The following PDZD2 variants were observed in gnomAD, a reference collection of about 807,000 sequenced individuals.
The protein encoded by PDZD2 is PDZ domain containing 2, also known as PDZ domain-containing protein 2.
A neutral mutation model predicts 220.7 loss-of-function variants in PDZD2; 90 were observed. The observed-to-expected ratio is 0.41, with a 90% CI of 0.34 to 0.49. The LOEUF is 0.49. Ranked by LOEUF, PDZD2 falls within the 20% of genes least tolerant of loss-of-function variation. The pLI, the probability that PDZD2 is intolerant of heterozygous loss-of-function variation, is 0.28. For synonymous variants in PDZD2, 1,375 were observed against 1,450.5 expected, an observed-to-expected ratio of 0.95 and a Z score of 1.18; for missense variants, 3,174 against 3,608.5, an observed-to-expected ratio of 0.88 and a Z score of 3.08.
At chr5:32,035,273 T>C (rs200259045) in intron 6 of PDZD2, among the ~76,000 whole-genome samples, 60 of 116,556 alleles carry the variant, frequency 5.1e-4, no homozygotes, top group Admixed American at 1.3e-3. Flanking sequence ...TTTTTTTTTC[T>C]TTTTTGAGAT....
chr5:31,972,917 A>C (rs1168690949), intron 2 of PDZD2, among the ~76,000 whole-genome samples: 1 of 152,232 alleles, frequency 6.6e-6, no homozygotes, highest in Non-Finnish European at 1.5e-5. Flanking sequence ...TTAGAGAATT[A>C]TAAGGAACCT....
chr5:31,725,291 T>C (rs964148647), intron 1 of PDZD2, among the ~76,000 whole-genome samples: 4 of 138,606 alleles, frequency 2.9e-5, no homozygotes, highest in Admixed American at 8.0e-5. Context: ...TGAGCCAAGA[T>C]CATGCCATTG....
chr5:31,843,203 A>G (rs1415309454), intron 2 of PDZD2: 1 of 151,662 alleles, frequency 6.6e-6, no homozygotes, highest in Non-Finnish European at 1.5e-5. Context: ...TTTTAATGAC[A>G]TTCTTCATGA....
At chr5:31,761,168 C>G (rs1390123882) in intron 1 of PDZD2, among the ~76,000 whole-genome samples, 1 of 151,934 alleles carries the variant, frequency 6.6e-6, no homozygotes, top group Non-Finnish European at 1.5e-5. Flanking sequence ...AATTCAAATG[C>G]GATGTTGTAG....
intron 2 of PDZD2, among the ~76,000 whole-genome samples, chr5:31,825,954 CTT>C (rs1756186191): frequency 6.7e-6 from 1 of 150,154 alleles, no homozygotes; most frequent in Non-Finnish European, 1.5e-5. Flanking sequence ...TTTTTTTCCT[CTT>C]TTAATGAACA....
chr5:31,683,564 A>G (rs1746734704), intron 1 of PDZD2, among the ~76,000 whole-genome samples: 1 of 152,252 alleles, frequency 6.6e-6, no homozygotes, highest in Admixed American at 6.5e-5. Context: ...TAGAAGGATA[A>G]TAAAGCACAA....
chr5:32,105,783 G>GGA (rs953591635), intron 24 of PDZD2, among the ~76,000 whole-genome samples: 1 of 152,184 alleles, frequency 6.6e-6, no homozygotes, highest in Non-Finnish European at 1.5e-5. Flanking sequence ...ATGAGTAAAT[G>GGA]GAGAGAGAGA....
intron 2 of PDZD2, among the ~76,000 whole-genome samples, chr5:31,933,476 A>G (rs1360441513): frequency 6.6e-6 from 1 of 151,842 alleles, no homozygotes; most frequent in Non-Finnish European, 1.5e-5. Context: ...TTGCTGTATG[A>G]TCGACTCCTG....
At chr5:32,074,723 G>A in intron 18 of PDZD2, 80 bp downstream of exon 18, 3 of 899,896 alleles carry the variant, frequency 3.3e-6, no homozygotes, top group Non-Finnish European at 1.7e-6. Flanking sequence ...TGTAAAGCAT[G>A]GGTAAGCTGC....
intron 7 of PDZD2, among the ~76,000 whole-genome samples, chr5:32,045,951 G>A (rs1399344072): frequency 6.6e-6 from 1 of 151,982 alleles, no homozygotes; most frequent in African/African-American, 2.4e-5. Flanking sequence ...AAAACTTTCA[G>A]AGTAATATTT....
intron 2 of PDZD2, among the ~76,000 whole-genome samples, chr5:31,886,689 C>A (rs1257805483): frequency 8.0e-6 from 1 of 125,584 alleles, no homozygotes; most frequent in Non-Finnish European, 1.6e-5. Flanking sequence ...AGATTCTGCA[C>A]TTGTCTCTGT....
chr5:32,093,100 C>T, intron 21 of PDZD2, 76 bp downstream of exon 21: 1 of 797,030 alleles, frequency 1.3e-6, no homozygotes. Flanking sequence ...CCTGCCCAGA[C>T]AGCCGAGGAG....
At chr5:31,716,279 T>C (rs539679044) in intron 1 of PDZD2, among the ~76,000 whole-genome samples, 2 of 152,280 alleles carry the variant, frequency 1.3e-5, no homozygotes, top group East Asian at 3.9e-4. Flanking sequence ...CCGGGATCTG[T>C]TTTAATCAGG....
intron 2 of PDZD2, among the ~76,000 whole-genome samples, chr5:31,966,036 C>A (rs1748715268): frequency 6.6e-6 from 1 of 152,218 alleles, no homozygotes; most frequent in Non-Finnish European, 1.5e-5. Flanking sequence ...TAGGATGGGA[C>A]TTTGGCATAG....
intron 6 of PDZD2, among the ~76,000 whole-genome samples, chr5:32,034,319 C>T (rs1250911800): frequency 6.6e-6 from 1 of 151,790 alleles, no homozygotes; most frequent in Non-Finnish European, 1.5e-5. Context: ...AGGTCGATAG[C>T]CTGGGTCAGG....
At chr5:31,717,127 G>C (rs1707426024) in intron 1 of PDZD2, among the ~76,000 whole-genome samples, 1 of 152,146 alleles carries the variant, frequency 6.6e-6, no homozygotes, top group African/African-American at 2.4e-5. Flanking sequence ...TTAAAAAAAA[G>C]AGTCAATAGA....
chr5:31,721,481 TTAGAAATGCAAA>T (rs139769720), intron 1 of PDZD2, among the ~76,000 whole-genome samples: 30,523 of 151,234 alleles, frequency 0.2, 3,266 homozygotes, highest in African/African-American at 0.27. Flanking sequence ...GAGGGGCTTT[TTAGAAATGCAAA>T]GCCTGACACC....
At chr5:31,728,201 A>G (rs1368216513) in intron 1 of PDZD2, among the ~76,000 whole-genome samples, 1 of 151,752 alleles carries the variant, frequency 6.6e-6, no homozygotes, top group African/African-American at 2.4e-5. Context: ...TCTATGCACT[A>G]GATGCCAATA....
intron 5 of PDZD2, among the ~76,000 whole-genome samples, chr5:32,008,975 A>G (rs771847010): frequency 6.6e-6 from 1 of 152,094 alleles, no homozygotes; most frequent in Non-Finnish European, 1.5e-5. Flanking sequence ...GGAAGGCAGT[A>G]TGGCATCAGA....
Sources: allele counts gnomAD v4.1 joint callset (sites outside exome capture counted in the v4.1 genomes callset), GRCh38; gene constraint gnomAD v4.1.1; transcripts MANE v1.5; gene names NCBI Gene and HGNC (gene_info 2026-07-23, HGNC 2026-07-21).